The following BOD1L1 variants were observed in gnomAD, a reference collection of about 807,000 sequenced individuals.
BOD1L1 encodes biorientation of chromosomes in cell division protein 1-like 1.
BOD1L1 carries 86 observed loss-of-function variants against 240.7 expected under a neutral mutation model. That is an observed-to-expected ratio of 0.36 (90% CI 0.30 to 0.43). The LOEUF is 0.43. Ranked by LOEUF, BOD1L1 falls within the 20% of genes least tolerant of loss-of-function variation. BOD1L1 has a pLI of 1.00. For missense variants in BOD1L1, 3,554 were observed against 3,643.5 expected (o/e 0.98, Z 0.63); for synonymous variants, 1,268 against 1,272.3 (o/e 1.00, Z 0.07).
rs192903349 is a variant in BOD1L1 at position 13,609,813 on chromosome 4, A to G, written c.1492-407T>C. 1.3e-3 allele frequency among the ~76,000 whole-genome samples: 200 copies of G among 152,314 alleles called. 1 individual carries two copies. The highest frequency in any genetic ancestry group is 4.7e-3 in the African/African-American group (196 of 41,574). On this transcript the variant is annotated intron_variant, in intron 6 of 25. Transcript: ENST00000040738. ...AACTTTTCAACTGTTCTTATAGAAA[A>G]CAGTTGAAATAAAAATTCAAGTGAT...
At chr4:13,588,107 G>C (rs1425487334) in intron 15 of BOD1L1, among the ~76,000 whole-genome samples, 1 of 149,174 alleles carries the variant, frequency 6.7e-6, no homozygotes, top group Non-Finnish European at 1.5e-5. Context: ...AGAATGGCGT[G>C]AACCCCGGAG....
intron 1 of BOD1L1, among the ~76,000 whole-genome samples, chr4:13,620,755 A>G (rs1465303333): frequency 2.0e-5 from 3 of 152,180 alleles, no homozygotes; most frequent in Admixed American, 1.3e-4. Flanking sequence ...ACTTTAGGAA[A>G]GCATGCAATA....
At chr4:13,577,936 C>T in intron 22 of BOD1L1, 1 of 239,154 alleles carries the variant, frequency 4.2e-6, no homozygotes, top group Non-Finnish European at 8.1e-6. Context: ...CAGAGTTTCA[C>T]TCAGTCATTC....
chr4:13,588,703 T>G lies in BOD1L1; in HGVS notation c.8280+19A>C. 1.3e-6 allele frequency: 2 copies of G among 1,565,810 alleles called. No individual in the cohort carries two copies. The highest frequency in any genetic ancestry group is 1.7e-6 in the Non-Finnish European group (2 of 1,151,804). ...TATTATGTATAAAATATCAAACACT[T>G]GAGTTTATTAAAATGCACCTCTTTA... On this transcript the variant is annotated intron_variant, in intron 15 of 25. Coordinates refer to ENST00000040738, the MANE Select transcript of BOD1L1 (RefSeq NM_148894.3).
intron 25 of BOD1L1, among the ~76,000 whole-genome samples, chr4:13,575,487 C>T (rs1712634918): frequency 6.6e-6 from 1 of 152,002 alleles, no homozygotes; most frequent in East Asian, 1.9e-4. Flanking sequence ...CTCAAGCGAT[C>T]CTCCCATCTC....
At chr4:13,623,016 C>T (rs1330644647) in intron 1 of BOD1L1, among the ~76,000 whole-genome samples, 2 of 152,194 alleles carry the variant, frequency 1.3e-5, no homozygotes, top group African/African-American at 4.8e-5. Flanking sequence ...TCTTGGAATG[C>T]TCAAGCCCCA....
intron 2 of BOD1L1, among the ~76,000 whole-genome samples, chr4:13,615,991 C>T (rs1242081975): frequency 3.9e-5 from 6 of 152,112 alleles, no homozygotes; most frequent in Non-Finnish European, 5.9e-5. Context: ...ATGATTTCAT[C>T]AAATTGCAAA....
At chr4:13,575,407 G>C (rs534948389) in intron 25 of BOD1L1, among the ~76,000 whole-genome samples, 138 of 152,146 alleles carry the variant, frequency 9.1e-4, no homozygotes, top group African/African-American at 3.2e-3. Flanking sequence ...TTCAGAGACA[G>C]AGTCTCACTG....
intron 1 of BOD1L1, among the ~76,000 whole-genome samples, chr4:13,620,999 G>T (rs186245819): frequency 6.6e-6 from 1 of 152,112 alleles, no homozygotes; most frequent in Non-Finnish European, 1.5e-5. Context: ...TGGGTCAAGG[G>T]CAAGGATGCT....
intron 14 of BOD1L1, among the ~76,000 whole-genome samples, chr4:13,589,995 A>G (rs1454796225): frequency 5.3e-5 from 8 of 152,236 alleles, no homozygotes; most frequent in Admixed American, 2.0e-4. Context: ...GAGAAGACCC[A>G]CATAAATGTG....
intron 12 of BOD1L1, among the ~76,000 whole-genome samples, chr4:13,593,907 A>G (rs1006535013): frequency 6.6e-6 from 1 of 152,236 alleles, no homozygotes; most frequent in Non-Finnish European, 1.5e-5. Context: ...TCAACTAGTA[A>G]GCTACATTCC....
Position 13,600,961 on chromosome 4 carries a change from G to A in BOD1L1, c.5939C>T (p.Thr1980Ile), listed in dbSNP as rs1222893802. Residue 1980 changes from threonine to isoleucine, a missense_variant, in exon 10 of 26, where the codon ACT becomes ATT. Transcript: ENST00000040738. ...GTCACTTTGATCAGATGCAGCACTA[G>A]TCATAGGACCCTCACAACCTCCTGG... Reference protein sequence around the residue: ...PVPGGCEGPMTSAASDQSDSQ... With the variant: ...PVPGGCEGPMISAASDQSDSQ... The A allele has an allele frequency of 6.2e-7, 1 of 1,613,898 alleles. No homozygotes were observed. The highest frequency in any genetic ancestry group is 1.6e-4 in the Middle Eastern group (1 of 6,062).
At chr4:13,586,593 C>A in intron 16 of BOD1L1, 118 bp from the exon 17 acceptor site, 1 of 518,126 alleles carries the variant, frequency 1.9e-6, no homozygotes, top group Non-Finnish European at 3.3e-6. Flanking sequence ...ACAGAGAAGC[C>A]AAAAGTTACT....
In BOD1L1 at chr4:13,569,192, G is replaced by C. The variant is rs1198358397; in HGVS notation, c.*819C>G. 1 of 152,296 alleles carries C rather than the reference G, an allele frequency of 6.6e-6. No individual in the cohort carries two copies. The highest frequency in any genetic ancestry group is 2.1e-4 in the South Asian group (1 of 4,830). 9.4% of individuals were successfully genotyped at this position (152,296 alleles called of 1,614,324 possible). A position where few individuals can be genotyped will look rare whatever the true frequency, so the allele number is the denominator to read the frequency against. Reference sequence around the variant, plus strand: ...TTGGTAGAAGCTTCAGAACAGCACAGAAGAGGAATGAACACAGAGAAGAGG... The same window carrying C: ...TTGGTAGAAGCTTCAGAACAGCACACAAGAGGAATGAACACAGAGAAGAGG... On this transcript the variant is annotated 3_prime_UTR_variant, in exon 26 of 26. Transcript: ENST00000040738.
intron 2 of BOD1L1, among the ~76,000 whole-genome samples, chr4:13,615,999 A>C (rs1716564003): frequency 6.6e-6 from 1 of 152,236 alleles, no homozygotes; most frequent in African/African-American, 2.4e-5. Flanking sequence ...ATCAAATTGC[A>C]AAATCAAAGA....
chr4:13,596,180 A>G (rs547836576), intron 11 of BOD1L1, among the ~76,000 whole-genome samples: 2 of 152,232 alleles, frequency 1.3e-5, no homozygotes, highest in East Asian at 3.9e-4. Flanking sequence ...TTAAAGGTAA[A>G]AACCCCAACT....
chr4:13,579,792 A>T (rs561513084), intron 22 of BOD1L1, 136 bp downstream of exon 22: 1 of 643,750 alleles, frequency 1.6e-6, no homozygotes, highest in Non-Finnish European at 2.7e-6. Flanking sequence ...TCTCCCAGAT[A>T]CAAGGACAAT....
chr4:13,576,596 G>A lies in BOD1L1; in HGVS notation c.9038+242C>T, dbSNP rs16888836. ...AAATATATTTGTAAGGAATTGAATG[G>A]GTTCCACCAAATAGGCATTTAAAAC... is the stretch of plus-strand genomic sequence containing the variant. On this transcript the variant is annotated intron_variant, in intron 25 of 25. Transcript: ENST00000040738. Among the ~76,000 whole-genome samples the A allele has an allele frequency of 3.7e-3, 559 of 152,242 alleles. 2 individuals carry two copies. The highest frequency in any genetic ancestry group is 0.012 in the African/African-American group (508 of 41,506).
rs1270516304 is a variant in BOD1L1, at chr4:13,602,456, C to G, written c.4444G>C (p.Val1482Leu). ...DVERRNENSE[V>L]DTSAGSGSAP... ...GAGCCACTTCCAGCACTGGTGTCTA[C>G]CTCACTGTTTTCATTCCTTCTTTCA... is the stretch of plus-strand genomic sequence containing the variant. Residue 1482 changes from valine (V) to leucine (L), a missense_variant, in exon 10 of 26, where the codon GTA becomes CTA. Transcript: ENST00000040738. 1 of 1,613,848 alleles carries G rather than the reference C, an allele frequency of 6.2e-7. No individual in the cohort carries two copies. Among genetic ancestry groups the G allele is most frequent in the East Asian group, 2.2e-5 (1 of 44,890 alleles).
Sources: gnomAD v4.1 joint callset for allele counts (sites outside exome capture counted in the v4.1 genomes callset) on GRCh38, gnomAD v4.1.1 for gene constraint, MANE v1.5 for transcripts, NCBI Gene and HGNC (gene_info 2026-07-23, HGNC 2026-07-21) for gene names.